The following ZPBP variants were observed in gnomAD, a reference collection of about 807,000 sequenced individuals.
The protein encoded by ZPBP is zona pellucida binding protein.
A neutral mutation model predicts 44.8 loss-of-function variants in ZPBP; 26 were observed. The ratio of observed to expected loss-of-function variants is 0.58; its 90% CI spans 0.43 to 0.81. The LOEUF is 0.81. Ranked by LOEUF, ZPBP falls within the 30% of genes least tolerant of loss-of-function variation. The pLI is 0.00. For synonymous variants in ZPBP, 174 were observed against 153.2 expected (o/e 1.14, Z -1.00); for missense variants, 409 against 434.0 (o/e 0.94, Z 0.51).
At chr7:49,933,675 G>A (rs1428255820), downstream of ZPBP, among the ~76,000 whole-genome samples, 1 of 152,128 alleles carries the variant, frequency 6.6e-6, no homozygotes, top group African/African-American at 2.4e-5. Flanking sequence ...ATGATAGACT[G>A]GATTAAGAAA....
chr7:49,891,515 A>G (rs930880152), intron 2 of ZPBP, among the ~76,000 whole-genome samples: 1 of 152,226 alleles, frequency 6.6e-6, no homozygotes, highest in Non-Finnish European at 1.5e-5. Context: ...GACACATATT[A>G]GCAGAGAATA....
chr7:50,074,057 A>C (rs1033362572), intron 3 of ZPBP, among the ~76,000 whole-genome samples: 1 of 152,120 alleles, frequency 6.6e-6, no homozygotes, highest in African/African-American at 2.4e-5. Flanking sequence ...ACGAATCAAA[A>C]ATAGTAACTA....
chr7:49,940,779 G>C (rs561435820), intron 7 of ZPBP: 2 of 985,176 alleles, frequency 2.0e-6, no homozygotes, highest in East Asian at 1.1e-4. Flanking sequence ...TGAGAGAACA[G>C]AGCAGACTAA....
chr7:49,917,823 G>C (rs1381051248), intron 1 of ZPBP: 1 of 151,778 alleles, frequency 6.6e-6, no homozygotes, highest in East Asian at 1.9e-4. Flanking sequence ...AGAAAGAACT[G>C]TTTCCAAACA....
At chr7:49,852,520 T>TG (rs555905998) in intron 2 of ZPBP, among the ~76,000 whole-genome samples, 63 of 151,836 alleles carry the variant, frequency 4.1e-4, no homozygotes, top group Middle Eastern at 3.4e-3. Context: ...TTCTTAAAAT[T>TG]GGGGGGGCAG....
At chr7:49,980,727 A>T (rs1265106010) in intron 7 of ZPBP, among the ~76,000 whole-genome samples, 1 of 152,168 alleles carries the variant, frequency 6.6e-6, no homozygotes, top group African/African-American at 2.4e-5. Context: ...TTCATGAGAG[A>T]TCTGCTCCCA....
chr7:49,864,209 C>T (rs1224297828), intron 2 of ZPBP, among the ~76,000 whole-genome samples: 1 of 152,038 alleles, frequency 6.6e-6, no homozygotes, highest in African/African-American at 2.4e-5. Context: ...TTAGCTTTTT[C>T]CAAAGGTTTC....
chr7:49,993,775 G>A (rs901261526), intron 6 of ZPBP, among the ~76,000 whole-genome samples: 4 of 152,166 alleles, frequency 2.6e-5, no homozygotes, highest in Non-Finnish European at 4.4e-5. Context: ...ACAAGGCTTA[G>A]TGAATGGGAA....
At chr7:50,057,645 T>C (rs1471239697) in intron 4 of ZPBP, among the ~76,000 whole-genome samples, 1 of 152,224 alleles carries the variant, frequency 6.6e-6, no homozygotes, top group East Asian at 1.9e-4. Flanking sequence ...GATGGCAGTG[T>C]ACCAGAAATC....
chr7:49,983,490 A>G lies in ZPBP; in HGVS notation c.813T>C (p.Asn271=), dbSNP rs1431573177. 2.5e-6 allele frequency: 4 copies of G among 1,607,966 alleles called. No homozygotes were observed. Among genetic ancestry groups the G allele is most frequent in the Non-Finnish European group, 3.4e-6 (4 of 1,176,164 alleles). The change falls in exon 7 of 8, where the codon AAT becomes AAC. Residue 271 remains asparagine, a synonymous_variant. Coordinates refer to ENST00000046087, the MANE Select transcript of ZPBP (RefSeq NM_007009.3). ...GTCTGCCAAGAATTTCTACTTGTTGATTAAAAAATCTCTCTATGAGATTTT... is the reference window on the plus strand; with the variant it reads ...GTCTGCCAAGAATTTCTACTTGTTGGTTAAAAAATCTCTCTATGAGATTTT... ...KAKNLIERFF[N]QQVEILGRRA...
chr7:50,090,758 T>C (rs1047186864), intron 1 of ZPBP, among the ~76,000 whole-genome samples: 4 of 152,104 alleles, frequency 2.6e-5, no homozygotes, highest in Non-Finnish European at 4.4e-5. Flanking sequence ...CAACTGTGAA[T>C]TGTGCTGCTA....
intron 2 of ZPBP, among the ~76,000 whole-genome samples, chr7:49,867,308 A>T (rs149548889): frequency 6.6e-6 from 1 of 152,238 alleles, no homozygotes; most frequent in Non-Finnish European, 1.5e-5. Flanking sequence ...AGATTGCCAG[A>T]AAAGAAGAAG....
intron 5 of ZPBP, among the ~76,000 whole-genome samples, chr7:50,021,795 G>A (rs1288523504): frequency 1.3e-5 from 2 of 152,082 alleles, no homozygotes; most frequent in Non-Finnish European, 2.9e-5. Context: ...CCCAAAGTGG[G>A]CATGTAAGCT....
chr7:49,891,777 A>G (rs1792138453), intron 2 of ZPBP, among the ~76,000 whole-genome samples: 1 of 152,222 alleles, frequency 6.6e-6, no homozygotes, highest in South Asian at 2.1e-4. Context: ...ATAGTTGCAC[A>G]GCAAGGACAC....
chr7:50,066,946 T>C (rs1801536691), intron 3 of ZPBP, among the ~76,000 whole-genome samples: 1 of 152,186 alleles, frequency 6.6e-6, no homozygotes, highest in Non-Finnish European at 1.5e-5. Context: ...CCGCTGATTT[T>C]AGCCAGCTAT....
chr7:49,911,208 G>A (rs540999458), intron 1 of ZPBP, among the ~76,000 whole-genome samples: 84 of 152,242 alleles, frequency 5.5e-4, no homozygotes, highest in African/African-American at 1.8e-3. Context: ...AATGGGCTGG[G>A]AGCGGTGGCT....
At chr7:49,938,571 C>T (rs1392268620) in intron 7 of ZPBP, among the ~76,000 whole-genome samples, 2 of 151,702 alleles carry the variant, frequency 1.3e-5, no homozygotes, top group Non-Finnish European at 2.9e-5. Context: ...CACAGTGTAT[C>T]ATAGGCACTC....
At chr7:49,937,741 GCAA>G (rs1384170161) in intron 7 of ZPBP, 119 bp from the exon 8 acceptor site, 1 of 788,682 alleles carries the variant, frequency 1.3e-6, no homozygotes, top group East Asian at 2.7e-5. Flanking sequence ...ACACTGTTGT[GCAA>G]CAAATCTGCA....
At chr7:50,048,658 C>A (rs1037256514) in intron 4 of ZPBP, among the ~76,000 whole-genome samples, 17 of 151,598 alleles carry the variant, frequency 1.1e-4, no homozygotes, top group Non-Finnish European at 2.4e-4. Context: ...ACAAAACATG[C>A]CAAAACCTAT....
Sources: gnomAD v4.1 joint callset for allele counts (sites outside exome capture counted in the v4.1 genomes callset) on GRCh38, gnomAD v4.1.1 for gene constraint, MANE v1.5 for transcripts, NCBI Gene and HGNC (gene_info 2026-07-23, HGNC 2026-07-21) for gene names.